RBPJ: variants seen among roughly 807,000 people sequenced by gnomAD.
RBPJ encodes the protein recombination signal binding protein for immunoglobulin kappa J region, also known as recombining binding protein suppressor of hairless.
RBPJ carries 9 observed loss-of-function variants against 67.8 expected under a neutral mutation model. That is an observed-to-expected ratio of 0.13 (90% CI 0.08 to 0.23). The LOEUF is 0.23. RBPJ is among the 10% of genes least tolerant of loss of function. The pLI, the probability that RBPJ is intolerant of heterozygous loss-of-function variation, is 1.00. For synonymous variants in RBPJ, 198 were observed against 203.3 expected, an observed-to-expected ratio of 0.97 and a Z score of 0.22; for missense variants, 305 against 595.6, an observed-to-expected ratio of 0.51 and a Z score of 5.08.
chr4:26,392,185 A>G (rs1227665393), intron 2 of RBPJ, among the ~76,000 whole-genome samples: 1 of 152,238 alleles, frequency 6.6e-6, no homozygotes, highest in Admixed American at 6.5e-5. Context: ...AGGACTCATC[A>G]TGGGAACAGC....
At chr4:26,343,925 A>C (rs1725844093) in intron 1 of RBPJ, among the ~76,000 whole-genome samples, 1 of 150,830 alleles carries the variant, frequency 6.6e-6, no homozygotes, top group Non-Finnish European at 1.5e-5. Flanking sequence ...TAATTTTTGT[A>C]TTTTTAGTAG....
At chr4:26,152,764 G>T in the RBPJ span, among the ~76,000 whole-genome samples, 1 of 152,224 alleles carries the variant, frequency 6.6e-6, no homozygotes, top group Non-Finnish European at 1.5e-5. Context: ...AAGACAGAGA[G>T]CTTGAGAAGT....
At chr4:26,406,400 G>A (rs1733414881) in intron 3 of RBPJ, 130 bp downstream of exon 3, 1 of 616,384 alleles carries the variant, frequency 1.6e-6, no homozygotes, top group East Asian at 2.7e-5. Context: ...AAAAAATAGG[G>A]GATTTGTCTC....
intron 1 of RBPJ, among the ~76,000 whole-genome samples, chr4:26,338,165 T>C (rs1725088786): frequency 6.8e-6 from 1 of 146,320 alleles, no homozygotes; most frequent in Non-Finnish European, 1.5e-5. Flanking sequence ...TCTTTTTTTT[T>C]TTTTTTTTTG....
chr4:26,233,508 G>A (rs1035055601), intron 1 of RBPJ, among the ~76,000 whole-genome samples: 7 of 152,128 alleles, frequency 4.6e-5, no homozygotes, highest in Middle Eastern at 3.2e-3. Context: ...TCTCCACTTC[G>A]TATGCGTCAT....
chr4:26,379,968 G>A (rs1730147871), intron 1 of RBPJ, among the ~76,000 whole-genome samples: 1 of 152,118 alleles, frequency 6.6e-6, no homozygotes, highest in African/African-American at 2.4e-5. Flanking sequence ...CTTTGTTAGT[G>A]GCCAAGGACA....
At chr4:26,165,795 T>C (rs1197588824) in intron 1 of RBPJ, among the ~76,000 whole-genome samples, 73 of 151,508 alleles carry the variant, frequency 4.8e-4, no homozygotes, top group Non-Finnish European at 4.9e-4. Context: ...ATACATGTGC[T>C]ATGCTGGTGT....
chr4:26,258,402 C>T (rs73114522), intron 1 of RBPJ, among the ~76,000 whole-genome samples: 14,200 of 152,144 alleles, frequency 0.093, 2,091 homozygotes, highest in African/African-American at 0.31. Flanking sequence ...TGTTTGGGTG[C>T]GTGAATAGAT....
intron 1 of RBPJ, among the ~76,000 whole-genome samples, chr4:26,171,852 G>A (rs1716598656): frequency 6.6e-6 from 1 of 152,216 alleles, no homozygotes; most frequent in Non-Finnish European, 1.5e-5. Flanking sequence ...GGGGGCTGAG[G>A]AGTGGACCTG....
chr4:26,111,776 T>C, the RBPJ span: 1,048 of 152,804 alleles, frequency 6.9e-3, 11 homozygotes, highest in African/African-American at 0.023. Flanking sequence ...AATAAATGTT[T>C]ACATTCACTC....
chr4:26,197,926 T>G (rs1376636511), intron 1 of RBPJ, among the ~76,000 whole-genome samples: 16 of 152,146 alleles, frequency 1.1e-4, no homozygotes, highest in Admixed American at 1.0e-3. Context: ...TCGGCCACTT[T>G]CCATATATTA....
chr4:26,396,874 G>T (rs1344218238), intron 2 of RBPJ, among the ~76,000 whole-genome samples: 1 of 152,156 alleles, frequency 6.6e-6, no homozygotes, highest in Non-Finnish European at 1.5e-5. Context: ...TTTAGCTTTG[G>T]TCACTGGTAG....
chr4:26,357,912 A>C (rs1727578573), intron 1 of RBPJ, among the ~76,000 whole-genome samples: 1 of 152,070 alleles, frequency 6.6e-6, no homozygotes, highest in African/African-American at 2.4e-5. Context: ...TTTCTTTTTA[A>C]AGCAGAATAG....
intron 1 of RBPJ, among the ~76,000 whole-genome samples, chr4:26,263,090 C>A (rs970714997): frequency 4.6e-5 from 7 of 152,188 alleles, no homozygotes; most frequent in African/African-American, 1.4e-4. Flanking sequence ...TCCCTAGGTT[C>A]GCACTTTGAT....
intron 1 of RBPJ, among the ~76,000 whole-genome samples, chr4:26,200,711 C>T (rs915927567): frequency 6.6e-6 from 1 of 151,966 alleles, no homozygotes; most frequent in Non-Finnish European, 1.5e-5. Flanking sequence ...GCCCACTGTA[C>T]TATCCTCCCG....
rs371003250 is a variant in RBPJ at position 26,202,720 on chromosome 4, C to T, written c.-167+39106C>T. Among the ~76,000 whole-genome samples the T allele has an allele frequency of 5.9e-5, 9 of 152,084 alleles. No homozygotes were observed. In the East Asian group the frequency reaches 1.2e-3, roughly 20 times the overall value. On this transcript the variant is annotated intron_variant, in intron 1 of 4. Transcript: ENST00000512351. ...GGCAGTAGTTCAAGACCAGCCTGGACAACATGGCAAAATCCCATCTTTACA... is the reference window on the plus strand; with the variant it reads ...GGCAGTAGTTCAAGACCAGCCTGGATAACATGGCAAAATCCCATCTTTACA...
At chr4:26,416,388 A>G (rs1208886048) in intron 4 of RBPJ, among the ~76,000 whole-genome samples, 3 of 152,038 alleles carry the variant, frequency 2.0e-5, no homozygotes, top group African/African-American at 7.2e-5. Context: ...CACTATGTCC[A>G]GCTAACTTTT....
chr4:26,316,649 C>CATATTGATATATATATACAT (rs1722648470), upstream of RBPJ, among the ~76,000 whole-genome samples: 1 of 134,708 alleles, frequency 7.4e-6, no homozygotes, highest in East Asian at 2.0e-4. Context: ...TATATATACA[C>CATATTGATATATATATACAT]ATATTGATAT....
chr4:26,392,508 A>G (rs1358678631), intron 2 of RBPJ, among the ~76,000 whole-genome samples: 2 of 152,216 alleles, frequency 1.3e-5, no homozygotes, highest in African/African-American at 4.8e-5. Context: ...GATACATGCA[A>G]CAACATAGAT....
Sources: gnomAD v4.1 joint callset for allele counts (sites outside exome capture counted in the v4.1 genomes callset) on GRCh38, gnomAD v4.1.1 for gene constraint, MANE v1.5 for transcripts, NCBI Gene and HGNC (gene_info 2026-07-23, HGNC 2026-07-21) for gene names.